The following ZNF148 variants were observed in gnomAD, a reference collection of about 807,000 sequenced individuals.
The protein encoded by ZNF148 is zinc finger protein 148, also known as Beta-Enolase Repressor Factor-1.
ZNF148 carries 7 observed loss-of-function variants against 67.7 expected under a neutral mutation model. That is an observed-to-expected ratio of 0.10 (90% confidence interval 0.06 to 0.19). The LOEUF (loss-of-function observed/expected upper bound fraction) is 0.19. ZNF148 is among the 10% of genes least tolerant of loss of function. ZNF148 has a pLI of 1.00. For missense variants in ZNF148, 583 were observed against 947.1 expected (o/e 0.62, Z 5.05); for synonymous variants, 333 against 330.7 (o/e 1.01, Z -0.08).
chr3:125,349,387 T>C (rs1008129425), intron 1 of ZNF148, among the ~76,000 whole-genome samples: 1 of 151,990 alleles, frequency 6.6e-6, no homozygotes, highest in Non-Finnish European at 1.5e-5. Flanking sequence ...TAGCAAAAAA[T>C]AACAAATAGC....
At chr3:125,325,946 G>A (rs1386372115) in intron 2 of ZNF148, among the ~76,000 whole-genome samples, 1 of 152,182 alleles carries the variant, frequency 6.6e-6, no homozygotes, top group Admixed American at 6.5e-5. Flanking sequence ...TTCAGCATAT[G>A]CAGAGATTAG....
At chr3:125,362,604 G>C (rs1317328790) in intron 1 of ZNF148, among the ~76,000 whole-genome samples, 1 of 151,420 alleles carries the variant, frequency 6.6e-6, no homozygotes, top group African/African-American at 2.4e-5. Context: ...ACCCAGGCTG[G>C]AGTGCAGTGG....
At chr3:125,270,958 C>T (rs1216255816) in intron 7 of ZNF148, among the ~76,000 whole-genome samples, 1 of 152,100 alleles carries the variant, frequency 6.6e-6, no homozygotes, top group Non-Finnish European at 1.5e-5. Flanking sequence ...TAAAGCTTAA[C>T]TATGTTGTTC....
chr3:125,358,360 T>G (rs12637629), intron 1 of ZNF148, among the ~76,000 whole-genome samples: 117,649 of 152,158 alleles, frequency 0.77, 46,028 homozygotes, highest in African/African-American at 0.86. Context: ...TTCCATGATA[T>G]CTCCCACTTT....
In ZNF148 at chr3:125,288,048, T is replaced by C. The variant is rs192886829; in HGVS notation, c.459+55A>G. ...CCAGCCAGGTTCTTGCCTATAGAATTAACCAACAGTTGGAATTAAGAGGTT... is the reference window on the plus strand; with the variant it reads ...CCAGCCAGGTTCTTGCCTATAGAATCAACCAACAGTTGGAATTAAGAGGTT... On this transcript the variant is annotated intron_variant, in intron 5 of 8. Coordinates refer to ENST00000360647, the MANE Select transcript of ZNF148 (RefSeq NM_021964.3). The C allele has an allele frequency of 1.2e-5, 20 of 1,610,880 alleles. No homozygotes were observed. In the East Asian group the frequency reaches 2.0e-4, roughly 16 times the overall value.
intron 7 of ZNF148, among the ~76,000 whole-genome samples, chr3:125,244,032 A>T (rs1936485115): frequency 6.6e-6 from 1 of 152,242 alleles, no homozygotes; most frequent in Non-Finnish European, 1.5e-5. Context: ...GCTTATCTGA[A>T]AAGTATCAAG....
chr3:125,355,708 G>T (rs187643467), intron 1 of ZNF148, among the ~76,000 whole-genome samples: 1 of 136,986 alleles, frequency 7.3e-6, no homozygotes, highest in Admixed American at 7.5e-5. Context: ...TCAACACAGT[G>T]AGACCCCAGT....
In ZNF148 at chr3:125,233,715, G is replaced by T. The variant is rs1412744095; in HGVS notation, c.1011C>A (p.Asp337Glu). The T allele has an allele frequency of 6.2e-7, 1 of 1,613,676 alleles. No homozygotes were observed. The highest frequency in any genetic ancestry group is 8.5e-7 in the Non-Finnish European group (1 of 1,179,830). ...AGTAATCATTTTTGTCTTTTTTCAG[G>T]TCAGATTTGTCCAAAGCACTCTCTT... ...MDKESALDKS[D>E]LKKDKNDYLP... The change falls in exon 9 of 9, where the codon GAC becomes GAA. Residue 337 changes from aspartate to glutamate, a missense_variant. By Grantham distance (45) the Asp-to-Glu change is conservative (BLOSUM62 2). Transcript: ENST00000360647. The surrounding 1 kb of genome is among the most constrained non-coding windows in gnomAD (Gnocchi z 5.1).
intron 8 of ZNF148, 45 bp downstream of exon 8, chr3:125,234,166 G>A (rs374907327): frequency 1.5e-6 from 2 of 1,324,958 alleles, no homozygotes; most frequent in African/African-American, 1.5e-5. Flanking sequence ...TATAATTATT[G>A]TATAATTTAA....
intron 7 of ZNF148, among the ~76,000 whole-genome samples, chr3:125,257,469 G>A (rs1439627432): frequency 2.7e-5 from 4 of 149,650 alleles, no homozygotes; most frequent in South Asian, 2.1e-4. Context: ...GACGAGAATC[G>A]CTTGAACTCG....
chr3:125,331,387 G>C, intron 1 of ZNF148, 149 bp from the exon 2 acceptor site: 5 of 393,830 alleles, frequency 1.3e-5, no homozygotes, highest in Non-Finnish European at 2.2e-5. Flanking sequence ...AATAAAATTA[G>C]TAACAACTAA....
At chr3:125,280,673 C>T (rs1164383548) in intron 5 of ZNF148, among the ~76,000 whole-genome samples, 4 of 94,256 alleles carry the variant, frequency 4.2e-5, no homozygotes, top group Non-Finnish European at 9.1e-5. Flanking sequence ...ACAGTAAAAC[C>T]CATCTCAAAA....
At chr3:125,310,841 A>G in intron 4 of ZNF148, 1 of 181,404 alleles carries the variant, frequency 5.5e-6, no homozygotes, top group Non-Finnish European at 1.2e-5. Context: ...ATGGACACTT[A>G]AAAATTGTTG....
chr3:125,362,568 T>G lies in ZNF148; in HGVS notation c.-234+12534A>C, dbSNP rs561867084. 5.8e-3 allele frequency among the ~76,000 whole-genome samples: 875 copies of G among 151,738 alleles called. 8 individuals are homozygous for G. Among genetic ancestry groups the G allele is most frequent in the African/African-American group, 0.02 (844 of 41,418 alleles). The stretch of plus-strand genomic sequence containing the variant: ...TTTTTTTGTTTTTGTTTTTGTTTTT[T>G]TTTTGAGACGGGCTCTTACTCTGTC... On this transcript the variant is annotated intron_variant, in intron 1 of 8. Transcript: ENST00000360647.
intron 7 of ZNF148, among the ~76,000 whole-genome samples, chr3:125,254,218 G>A (rs1210696390): frequency 6.6e-6 from 1 of 152,050 alleles, no homozygotes; most frequent in Non-Finnish European, 1.5e-5. Flanking sequence ...AGATCTAAGT[G>A]ATGTACACAT....
rs1943031023 is a variant in ZNF148, at chr3:125,375,238, C to T, written c.-370G>A. On this transcript the variant is annotated 5_prime_UTR_variant, in exon 1 of 9. Coordinates refer to ENST00000360647, the MANE Select transcript of ZNF148 (RefSeq NM_021964.3). ...GCAGCTTCGGCAACAGCTCCCACCC[C>T]TGCGCCTTTCTCCTCTTCCTCCCCC... The T allele has an allele frequency of 6.4e-6, 1 of 155,106 alleles. No individual in the cohort carries two copies. Among genetic ancestry groups the T allele is most frequent in the Non-Finnish European group, 1.4e-5 (1 of 70,372 alleles). 9.6% of individuals were successfully genotyped at this position (155,106 alleles called of 1,614,324 possible). A position where few individuals can be genotyped will look rare whatever the true frequency, so the allele number is the denominator to read the frequency against.
intron 6 of ZNF148, among the ~76,000 whole-genome samples, chr3:125,278,088 T>C (rs908001316): frequency 6.6e-6 from 1 of 152,194 alleles, no homozygotes; most frequent in African/African-American, 2.4e-5. Flanking sequence ...AATTGAATTT[T>C]AACATCATGG....
intron 7 of ZNF148, among the ~76,000 whole-genome samples, chr3:125,267,937 A>C (rs544516893): frequency 4.6e-5 from 7 of 152,240 alleles, no homozygotes; most frequent in Non-Finnish European, 1.0e-4. Flanking sequence ...ACTGAGAGGC[A>C]AATCAAGAAC....
intron 7 of ZNF148, among the ~76,000 whole-genome samples, chr3:125,248,604 T>G (rs894326470): frequency 1.5e-4 from 23 of 152,248 alleles, no homozygotes; most frequent in African/African-American, 5.5e-4. Flanking sequence ...CCTGTGGCTT[T>G]TTGCCCACCC....
Sources: gnomAD v4.1 joint callset for allele counts (sites outside exome capture counted in the v4.1 genomes callset) on GRCh38, gnomAD v4.1.1 for gene constraint, Gnocchi (gnomAD v3.1) non-coding constraint, MANE v1.5 for transcripts, NCBI Gene and HGNC (gene_info 2026-07-23, HGNC 2026-07-21) for gene names.